Variants in SH2D4B observed in about 807,000 individuals in gnomAD.
SH2D4B encodes SH2 domain containing 4B.
Under a neutral mutation model 61.5 loss-of-function variants are expected in SH2D4B, and 45 were observed. That is an observed-to-expected ratio of 0.73 (90% confidence interval 0.58 to 0.94). The LOEUF is 0.94. Ranked by LOEUF, SH2D4B falls within the 40% of genes least tolerant of loss-of-function variation. The pLI is 0.00. For synonymous variants in SH2D4B, 224 were observed against 220.4 expected (o/e 1.02, Z -0.14); for missense variants, 572 against 574.2 (o/e 1.00, Z 0.04).
chr10:80,598,801 G>C (rs1342423934), intron 4 of SH2D4B, among the ~76,000 whole-genome samples: 3 of 151,902 alleles, frequency 2.0e-5, no homozygotes, highest in Non-Finnish European at 2.9e-5. Flanking sequence ...CTGTGAACTT[G>C]TAGGAGTGTG....
chr10:80,611,546 A>G (rs1328506930), intron 6 of SH2D4B, among the ~76,000 whole-genome samples: 2 of 152,074 alleles, frequency 1.3e-5, no homozygotes, highest in South Asian at 2.1e-4. Flanking sequence ...TGTCCCAGTT[A>G]TGTGTCCCTG....
rs1360593780 is a variant in SH2D4B, at chr10:80,541,067, C to T, written c.184+2552C>T. On this transcript the variant is annotated intron_variant, in intron 1 of 7. Coordinates refer to ENST00000646907, the MANE Select transcript of SH2D4B (RefSeq NM_001388272.1). ...AAAGTACACACTTGAGAGAGAAGTG[C>T]GGGCGTGCTCATGAGAACGTGTCAC... 20 of 724,466 alleles carry T rather than the reference C, an allele frequency of 2.8e-5. No individual in the cohort carries two copies. In the East Asian group the frequency reaches 3.0e-4, roughly 11 times the overall value. 44.9% of individuals were successfully genotyped at this position (724,466 alleles called of 1,614,324 possible).
intron 4 of SH2D4B, among the ~76,000 whole-genome samples, chr10:80,600,228 A>T (rs1168222735): frequency 6.6e-6 from 1 of 152,220 alleles, no homozygotes; most frequent in East Asian, 1.9e-4. Flanking sequence ...TCAAATCTTT[A>T]CTGATTTCTT....
intron 5 of SH2D4B, among the ~76,000 whole-genome samples, chr10:80,608,750 T>C (rs530105491): frequency 6.6e-6 from 1 of 151,858 alleles, no homozygotes; most frequent in Admixed American, 6.5e-5. Context: ...GTGGTTTTGT[T>C]TCCTTCCGCC....
At chr10:80,542,316 G>A (rs889556384) in intron 1 of SH2D4B, among the ~76,000 whole-genome samples, 2 of 151,898 alleles carry the variant, frequency 1.3e-5, no homozygotes, top group Admixed American at 6.6e-5. Flanking sequence ...AGAGCTGGGT[G>A]TGACCAGGGG....
chr10:80,610,939 G>A (rs1217972540), intron 6 of SH2D4B, among the ~76,000 whole-genome samples: 1 of 152,138 alleles, frequency 6.6e-6, no homozygotes, highest in Admixed American at 6.5e-5. Flanking sequence ...GGGAGGCTGA[G>A]GCAGGAGGAT....
In SH2D4B at chr10:80,551,095, C is replaced by T. The variant is rs138648331; in HGVS notation, c.184+12580C>T. 8.6e-3 allele frequency among the ~76,000 whole-genome samples: 1,312 copies of T among 152,228 alleles called. 22 individuals are homozygous for T. Among genetic ancestry groups the T allele is most frequent in the African/African-American group, 0.029 (1,206 of 41,546 alleles). The stretch of plus-strand genomic sequence containing the variant: ...TGAGACGGAGTCTCACTCTGTTGCC[C>T]AGGCTGGAGTGTAGTGGCGCGATTT... On this transcript the variant is annotated intron_variant, in intron 1 of 7. Transcript: ENST00000646907.
At chr10:80,569,718 CTAT>C (rs1464948214) in intron 1 of SH2D4B, among the ~76,000 whole-genome samples, 2 of 152,030 alleles carry the variant, frequency 1.3e-5, no homozygotes, top group African/African-American at 4.8e-5. Context: ...TGGGGAGGGG[CTAT>C]TATCATCCTT....
At chr10:80,579,258 G>GA (rs527507976) in intron 3 of SH2D4B, among the ~76,000 whole-genome samples, 9 of 150,924 alleles carry the variant, frequency 6.0e-5, no homozygotes, top group South Asian at 4.2e-4. Flanking sequence ...TCTGAAAATG[G>GA]AAAAAAAAAT....
Position 80,554,469 on chromosome 10 carries a change from T to A in SH2D4B, c.185-15685T>A, listed in dbSNP as rs1425497440. 3.3e-5 allele frequency among the ~76,000 whole-genome samples: 5 copies of A among 152,290 alleles called. 1 individual carries two copies. In the South Asian group the frequency reaches 1.0e-3, roughly 32 times the overall value. ...GTGTGTGTGTGTGTGCTTACATAAT[T>A]ATTTTAGTTTGTTTTAAGGAATTGG... On this transcript the variant is annotated intron_variant, in intron 1 of 7. Coordinates refer to ENST00000646907, the MANE Select transcript of SH2D4B (RefSeq NM_001388272.1).
intron 3 of SH2D4B, among the ~76,000 whole-genome samples, chr10:80,584,635 T>C (rs1426263798): frequency 6.6e-6 from 1 of 152,234 alleles, no homozygotes; most frequent in Non-Finnish European, 1.5e-5. Flanking sequence ...TTCAGAGATG[T>C]TACAAGGTTA....
chr10:80,619,223 G>C (rs1158976350), intron 6 of SH2D4B, among the ~76,000 whole-genome samples: 1 of 152,360 alleles, frequency 6.6e-6, no homozygotes, highest in East Asian at 1.9e-4. Flanking sequence ...GTGATAGTCA[G>C]TGCTGGCACA....
At chr10:80,589,011 T>G (rs2132130540) in intron 4 of SH2D4B, among the ~76,000 whole-genome samples, 1 of 150,154 alleles carries the variant, frequency 6.7e-6, no homozygotes, top group Non-Finnish European at 1.5e-5. Context: ...TTTTTTTTTT[T>G]GTTCTTTTTT....
intron 1 of SH2D4B, among the ~76,000 whole-genome samples, chr10:80,558,411 C>T (rs1054806898): frequency 6.6e-6 from 1 of 152,046 alleles, no homozygotes; most frequent in African/African-American, 2.4e-5. Flanking sequence ...TATTAATCAC[C>T]AGAGGAAACT....
chr10:80,538,368 C>CCCGAGCTCCTTG lies in SH2D4B; in HGVS notation c.46_57dup (p.Leu16_Leu19dup), dbSNP rs370660384. ...GATCCTGCACGACATGTACATCGAC[C>CCCGAGCTCCTTG]CCGAGCTCCTTGCCGAGCTCAGCGA... On this transcript the variant is annotated inframe_insertion, in exon 1 of 8. Coordinates refer to ENST00000646907, the MANE Select transcript of SH2D4B (RefSeq NM_001388272.1). The surrounding 1 kb of genome is among the most constrained non-coding windows in gnomAD (Gnocchi z 4.8). 5 of 1,404,794 alleles carry CCCGAGCTCCTTG rather than the reference C, an allele frequency of 3.6e-6. No homozygotes were observed. Among genetic ancestry groups the CCCGAGCTCCTTG allele is most frequent in the Non-Finnish European group, 4.7e-6 (5 of 1,074,482 alleles). The allele number at this position is 1,404,794 out of a possible 1,614,324, so 87.0% of individuals were successfully genotyped here. A position where few individuals can be genotyped will look rare whatever the true frequency, so the allele number is the denominator to read the frequency against.
intron 6 of SH2D4B, among the ~76,000 whole-genome samples, chr10:80,622,680 C>T (rs1235870381): frequency 6.6e-6 from 1 of 152,312 alleles, no homozygotes; most frequent in East Asian, 1.9e-4. Flanking sequence ...GGGCAGAACT[C>T]TCCCTATTTT....
chr10:80,547,920 T>C (rs1841704520), intron 1 of SH2D4B, among the ~76,000 whole-genome samples: 1 of 152,102 alleles, frequency 6.6e-6, no homozygotes. Flanking sequence ...ATTGCCAGCT[T>C]CTGAAGGGGA....
At chr10:80,604,742 C>T (rs1229051790) in intron 5 of SH2D4B, among the ~76,000 whole-genome samples, 1 of 152,024 alleles carries the variant, frequency 6.6e-6, no homozygotes, top group African/African-American at 2.4e-5. Context: ...TCCCTCTCTC[C>T]CTCCATCTAC....
chr10:80,572,945 AATATATATATATATATATAT>A lies in SH2D4B; in HGVS notation c.495+1390_495+1409del, dbSNP rs869061750. Among the ~76,000 whole-genome samples, 196 of 20,660 alleles carry A rather than the reference AATATATATATATATATATAT, an allele frequency of 9.5e-3. 3 individuals carry two copies. Among genetic ancestry groups the A allele is most frequent in the South Asian group, 0.019 (5 of 262 alleles). The allele number at this position is 20,660 out of a possible 152,430, so 13.6% of individuals were successfully genotyped here. The stretch of plus-strand genomic sequence containing the variant: ...TGTTGGCCTTTTCATGTATGTTGCA[AATATATATATATATATATAT>A]ATATATATATATATATATATATTTT... On this transcript the variant is annotated intron_variant, in intron 3 of 7. Coordinates refer to ENST00000646907, the MANE Select transcript of SH2D4B (RefSeq NM_001388272.1).
Sources: allele counts gnomAD v4.1 joint callset (sites outside exome capture counted in the v4.1 genomes callset), GRCh38; gene constraint gnomAD v4.1.1; non-coding constraint Gnocchi (gnomAD v3.1); transcripts MANE v1.5; gene names NCBI Gene and HGNC (gene_info 2026-07-23, HGNC 2026-07-21).